Variants in PHLPP1 observed in about 807,000 individuals in gnomAD.
The protein encoded by PHLPP1 is PH domain leucine-rich repeat-containing protein phosphatase 1.
Under a neutral mutation model 117.2 loss-of-function variants are expected in PHLPP1, and 42 were observed. The observed-to-expected ratio is 0.36, with a 90% confidence interval of 0.28 to 0.46. The LOEUF (loss-of-function observed/expected upper bound fraction) is 0.46, where lower values mean the gene tolerates loss of function less well. PHLPP1 is among the 20% of genes least tolerant of loss of function. The pLI is 1.00. For synonymous variants in PHLPP1, 1,042 were observed against 970.7 expected, an observed-to-expected ratio of 1.07 and a Z score of -1.37; for missense variants, 2,084 against 2,241.9, an observed-to-expected ratio of 0.93 and a Z score of 1.42.
At chr18:62,825,563 C>T (rs555207876) in intron 1 of PHLPP1, 1 of 151,578 alleles carries the variant, frequency 6.6e-6, no homozygotes, top group Non-Finnish European at 1.5e-5. Flanking sequence ...TGGGCTCAAG[C>T]AGACTTCTCA....
Position 62,716,776 on chromosome 18 carries a change from C to T in PHLPP1, c.1093C>T (p.Pro365Ser), listed in dbSNP as rs974151861. Reference sequence around the variant, plus strand: ...CGAGAGCGTGTCTGACCGGTTGGACCCCTACAGCAGCGGCGGCGGCTCCTC... The same window carrying T: ...CGAGAGCGTGTCTGACCGGTTGGACTCCTACAGCAGCGGCGGCGGCTCCTC... ...SAESVSDRLD[P>S]YSSGGGSSSS... The change falls in exon 1 of 17, where the codon CCC becomes TCC. Residue 365 changes from proline to serine, a missense_variant. Coordinates refer to ENST00000262719, the MANE Select transcript of PHLPP1 (RefSeq NM_194449.4). The surrounding 1 kb of genome is among the most constrained non-coding windows in gnomAD (Gnocchi z 5.7). 28 of 1,526,586 alleles carry T rather than the reference C, an allele frequency of 1.8e-5. No homozygotes were observed. The Admixed American group carries it at 3.6e-4, about 20-fold the overall frequency. 94.6% of individuals were successfully genotyped at this position (1,526,586 alleles called of 1,614,324 possible).
chr18:62,978,856 TTCCAGCGCCAGCTA>T lies in PHLPP1; in HGVS notation c.4590_4603del (p.Gln1530HisfsTer4). On this transcript the variant is annotated frameshift_variant, in exon 17 of 17. Transcript: ENST00000262719. LOFTEE classifies it low-confidence loss of function (END_TRUNC). This position sits in a 1 kb window ranked among gnomAD's most constrained non-coding sequence, Gnocchi z 7.0. ...CCACCCCATCTGTCTGTCCAACTCC[TTCCAGCGCCAGCTA>T]TCCAGCGCCACGTTCTCTAGCGCCT... The T allele has an allele frequency of 3.1e-6, 5 of 1,607,682 alleles. No homozygotes were observed. The highest frequency in any genetic ancestry group is 1.1e-5 in the South Asian group (1 of 89,844).
At chr18:62,865,135 C>G (rs1971375966) in intron 4 of PHLPP1, among the ~76,000 whole-genome samples, 1 of 152,122 alleles carries the variant, frequency 6.6e-6, no homozygotes, top group Non-Finnish European at 1.5e-5. Context: ...ACCAGCCTGT[C>G]AATGTCATGA....
intron 10 of PHLPP1, among the ~76,000 whole-genome samples, chr18:62,931,590 C>T (rs1909808384): frequency 7.5e-6 from 1 of 133,654 alleles, no homozygotes; most frequent in Admixed American, 7.9e-5. Context: ...AGACTACTCG[C>T]TAGATTAACA....
intron 1 of PHLPP1, among the ~76,000 whole-genome samples, chr18:62,784,407 A>G (rs1913216538): frequency 6.6e-6 from 1 of 152,196 alleles, no homozygotes; most frequent in Non-Finnish European, 1.5e-5. Context: ...TTCTTATTTT[A>G]GGCTTGAGGA....
At chr18:62,870,690 C>T (rs1209880679) in intron 4 of PHLPP1, among the ~76,000 whole-genome samples, 2 of 152,190 alleles carry the variant, frequency 1.3e-5, no homozygotes, top group African/African-American at 4.8e-5. Context: ...ATCTTAAGCA[C>T]ATATCCCCTT....
chr18:62,786,945 G>A (rs544233910), intron 1 of PHLPP1, among the ~76,000 whole-genome samples: 2 of 152,294 alleles, frequency 1.3e-5, no homozygotes, highest in East Asian at 1.9e-4. Flanking sequence ...AATGTTTAAG[G>A]TAATTTGCAA....
At chr18:62,737,635 T>C (rs1339267726) in intron 1 of PHLPP1, among the ~76,000 whole-genome samples, 3 of 152,138 alleles carry the variant, frequency 2.0e-5, no homozygotes, top group Admixed American at 6.5e-5. Flanking sequence ...CTGCTTGGAA[T>C]GTGCTGCTTG....
chr18:62,813,953 T>C (rs554599665), intron 1 of PHLPP1, among the ~76,000 whole-genome samples: 1 of 152,266 alleles, frequency 6.6e-6, no homozygotes, highest in Non-Finnish European at 1.5e-5. Flanking sequence ...TTTTCTTTGG[T>C]GGATTTTTTT....
chr18:62,856,390 A>C (rs1276368891), intron 3 of PHLPP1, among the ~76,000 whole-genome samples: 1 of 151,848 alleles, frequency 6.6e-6, no homozygotes, highest in Non-Finnish European at 1.5e-5. Flanking sequence ...CTGTCTCCTT[A>C]TTATCAGTGT....
Position 62,978,494 on chromosome 18 carries a change from C to G in PHLPP1, c.4217C>G (p.Ala1406Gly). The change falls in exon 17 of 17, where the codon GCC (alanine) becomes GGC (glycine). Residue 1406 changes from alanine (A) to glycine (G), a missense_variant. This residue lies in a region of PHLPP1 where 1,365 missense variants were observed against 1,605.9 expected (regional missense o/e 0.85). Coordinates refer to ENST00000262719, the MANE Select transcript of PHLPP1 (RefSeq NM_194449.4). This position sits in a 1 kb window ranked among gnomAD's most constrained non-coding sequence, Gnocchi z 7.0. ...LAAAKKLCTLAQSYGCHDSIS... is the reference protein window; with the variant it reads ...LAAAKKLCTLGQSYGCHDSIS... ...GCTGCCAAGAAGCTGTGTACCCTGG[C>G]CCAGAGCTACGGCTGCCACGACAGC... 6.2e-7 allele frequency: 1 copy of G among 1,608,672 alleles called. No homozygotes were observed. Among genetic ancestry groups the G allele is most frequent in the Non-Finnish European group, 8.5e-7 (1 of 1,177,570 alleles).
chr18:62,874,755 G>T (rs1339021611), intron 4 of PHLPP1, among the ~76,000 whole-genome samples: 1 of 152,134 alleles, frequency 6.6e-6, no homozygotes, highest in Non-Finnish European at 1.5e-5. Context: ...TGAACGTAAT[G>T]TGCACAGCTT....
chr18:62,879,603 G>A (rs986734438), intron 4 of PHLPP1, among the ~76,000 whole-genome samples: 4 of 152,052 alleles, frequency 2.6e-5, no homozygotes, highest in African/African-American at 9.7e-5. Context: ...AGTAGACAGG[G>A]TTCACCGTGT....
intron 1 of PHLPP1, among the ~76,000 whole-genome samples, chr18:62,804,152 A>G (rs1913868160): frequency 6.6e-6 from 1 of 152,286 alleles, no homozygotes; most frequent in Non-Finnish European, 1.5e-5. Flanking sequence ...ACCAGGGGGC[A>G]GGAAAGAGAG....
intron 1 of PHLPP1, among the ~76,000 whole-genome samples, chr18:62,727,240 A>AAT (rs1316490354): frequency 6.6e-6 from 1 of 151,444 alleles, no homozygotes. Flanking sequence ...AAAAAAAAAA[A>AAT]AAAAGGGAAG....
chr18:62,720,467 C>T (rs1051107938), intron 1 of PHLPP1, among the ~76,000 whole-genome samples: 3 of 152,052 alleles, frequency 2.0e-5, no homozygotes, highest in Admixed American at 1.3e-4. Context: ...TGGGATTTCG[C>T]GGGAACAATC....
chr18:62,790,731 G>A (rs527889964), intron 1 of PHLPP1, among the ~76,000 whole-genome samples: 2 of 152,326 alleles, frequency 1.3e-5, no homozygotes, highest in South Asian at 2.1e-4. Flanking sequence ...GGAAGAAACT[G>A]TGGATAGAAA....
intron 1 of PHLPP1, among the ~76,000 whole-genome samples, chr18:62,759,516 G>T (rs749387191): frequency 2.3e-4 from 35 of 152,104 alleles, no homozygotes; most frequent in Non-Finnish European, 4.6e-4. Context: ...TGTGTCTTTG[G>T]CTTAAGTAAT....
At chr18:62,764,501 C>T (rs1912392740) in intron 1 of PHLPP1, among the ~76,000 whole-genome samples, 1 of 151,932 alleles carries the variant, frequency 6.6e-6, no homozygotes, top group African/African-American at 2.4e-5. Context: ...TGGGTTCTTA[C>T]TTGTACAAGG....
Sources: gnomAD v4.1 joint callset for allele counts (sites outside exome capture counted in the v4.1 genomes callset) on GRCh38, gnomAD v4.1.1 for gene constraint, gnomAD v4.1.1 regional missense constraint, Gnocchi (gnomAD v3.1) non-coding constraint, MANE v1.5 for transcripts, NCBI Gene and HGNC (gene_info 2026-07-23, HGNC 2026-07-21) for gene names.